Variants in CCER2 observed in about 807,000 individuals in gnomAD.
CCER2 encodes the protein coiled-coil domain-containing glutamate-rich protein 2.
CCER2 carries 20 observed loss-of-function variants against 27.1 expected under a neutral mutation model. The ratio of observed to expected loss-of-function variants is 0.74; its 90% CI spans 0.52 to 1.07. The LOEUF (loss-of-function observed/expected upper bound fraction) is 1.07, where lower values mean the gene tolerates loss of function less well. Ranked by LOEUF, CCER2 falls within the 50% of genes least tolerant of loss-of-function variation. The probability of loss-of-function intolerance (pLI) is 0.00; values close to 1 mark genes in which losing one functional copy is unlikely to be tolerated. For missense variants in CCER2, 351 were observed against 344.7 expected, an observed-to-expected ratio of 1.02 and a Z score of -0.14; for synonymous variants, 140 against 144.3, an observed-to-expected ratio of 0.97 and a Z score of 0.21.
rs1180872429 is a variant in CCER2 at position 38,909,230 on chromosome 19, T to G, written c.*6A>C. On this transcript the variant is annotated 3_prime_UTR_variant, in exon 5 of 5. Coordinates refer to ENST00000571838, the MANE Select transcript of CCER2 (RefSeq NM_001243212.2). Reference sequence around the variant, plus strand: ...TGTCAGGAGGAAGGAGGGACTGAGGTAGGGGTCAGCCCTCCCTCCTGAGCT... The same window carrying G: ...TGTCAGGAGGAAGGAGGGACTGAGGGAGGGGTCAGCCCTCCCTCCTGAGCT... The G allele has an allele frequency of 1.3e-6, 2 of 1,534,186 alleles. No homozygotes were observed. Among genetic ancestry groups the G allele is most frequent in the Admixed American group, 2.0e-5 (1 of 50,980 alleles).
chr19:38,911,637 G>A lies in CCER2; in HGVS notation c.119C>T (p.Ala40Val), dbSNP rs563388609. 9 of 1,535,554 alleles carry A rather than the reference G, an allele frequency of 5.9e-6. No homozygotes were observed. In the Admixed American group the frequency reaches 1.6e-4, roughly 27 times the overall value. Residue 40 changes from alanine (A) to valine (V), a missense_variant, in exon 3 of 5, where the codon GCA becomes GTA. Transcript: ENST00000571838. The stretch of plus-strand genomic sequence containing the variant: ...GGTCAGCACCTCTGTGACCACCTCT[G>A]CCAGACAGCGGGTCAGCTGGGGGGC... ...PSKEELTRCL[A>V]EVVTEVLTVG...
Position 38,911,005 on chromosome 19 carries a change from TC to T in CCER2, c.268del (p.Glu90ArgfsTer5). On this transcript the variant is annotated frameshift_variant, in exon 4 of 5. Transcript: ENST00000571838. LOFTEE classifies it high-confidence loss of function. ...CTGGCTGGACCTCATCTTCCCAGCC[TC>T]CTGCTTCTTGAAATCCCCAAGCAGC... Reference protein sequence around the residue: ...GLLLGDFKKQEAGKMRSSQEV... With the variant: ...GLLLGDFKKQXAGKMRSSQEV... The T allele has an allele frequency of 6.7e-7, 1 of 1,493,464 alleles. No individual in the cohort carries two copies. The highest frequency in any genetic ancestry group is 8.9e-7 in the Non-Finnish European group (1 of 1,128,476). The allele number at this position is 1,493,464 out of a possible 1,614,324, so 92.5% of individuals were successfully genotyped here.
intron 4 of CCER2, among the ~76,000 whole-genome samples, chr19:38,909,740 T>G (rs762375338): frequency 1.3e-5 from 2 of 151,904 alleles, no homozygotes; most frequent in South Asian, 4.1e-4. Flanking sequence ...GCCTGGCTGA[T>G]TTTTTGTATT....
At chr19:38,911,426 A>G (rs1462855185) in intron 3 of CCER2, 140 bp downstream of exon 3, 2 of 743,766 alleles carry the variant, frequency 2.7e-6, no homozygotes, top group Non-Finnish European at 4.4e-6. Context: ...GGTCCAGGCA[A>G]CAGGGCTCTG....
Position 38,910,888 on chromosome 19 carries a change from T to C in CCER2, c.386A>G (p.Gln129Arg). ...EQAIRMQGHR[Q>R]LHQEEDEEEE... Reference sequence around the variant, plus strand: ...CTCCTCGTCCTCCTCCTGGTGGAGCTGGCGATGCCCTTGCATGCGGATGGC... The same window carrying C: ...CTCCTCGTCCTCCTCCTGGTGGAGCCGGCGATGCCCTTGCATGCGGATGGC... The change falls in exon 4 of 5, where the codon CAG becomes CGG. Residue 129 changes from glutamine (Q) to arginine (R), a missense_variant. Coordinates refer to ENST00000571838, the MANE Select transcript of CCER2 (RefSeq NM_001243212.2). The C allele has an allele frequency of 1.3e-6, 2 of 1,516,396 alleles. No individual in the cohort carries two copies. The highest frequency in any genetic ancestry group is 1.3e-5 in the South Asian group (1 of 79,962). The allele number at this position is 1,516,396 out of a possible 1,614,324, so 93.9% of individuals were successfully genotyped here.
In CCER2 at chr19:38,912,170, A is replaced by C. The variant is rs1275586005; in HGVS notation, c.-12T>G. On this transcript the variant is annotated 5_prime_UTR_variant, in exon 1 of 5. Transcript: ENST00000571838. ...CCTCGGGGCGGCATGGTGGGCGTCC[A>C]ACGGGTCCAAGGCGCTGTGCGGGCC... 2 of 1,481,728 alleles carry C rather than the reference A, an allele frequency of 1.3e-6. No homozygotes were observed. The highest frequency in any genetic ancestry group is 4.8e-5 in the Admixed American group (2 of 41,534). The allele number at this position is 1,481,728 out of a possible 1,614,324, so 91.8% of individuals were successfully genotyped here.
Position 38,909,121 on chromosome 19 carries a change from C to T in CCER2, c.*115G>A. On this transcript the variant is annotated 3_prime_UTR_variant, in exon 5 of 5. Transcript: ENST00000571838. Reference sequence around the variant, plus strand: ...TGGGTGTGGTTCCAAGGCACGTCCGCCTCCTCCCCTGTTTGGGTAGGGGTG... The same window carrying T: ...TGGGTGTGGTTCCAAGGCACGTCCGTCTCCTCCCCTGTTTGGGTAGGGGTG... 8.4e-7 allele frequency: 1 copy of T among 1,189,422 alleles called. No homozygotes were observed. The highest frequency in any genetic ancestry group is 1.4e-5 in the South Asian group (1 of 70,456). The allele number at this position is 1,189,422 out of a possible 1,614,324, so 73.7% of individuals were successfully genotyped here. A position where few individuals can be genotyped will look rare whatever the true frequency, so the allele number is the denominator to read the frequency against.
At position 38,911,137 on chromosome 19, in the gene CCER2, G is replaced by A. The variant is rs1300491020; in HGVS notation, c.191-54C>T. The A allele has an allele frequency of 5.8e-6, 8 of 1,388,932 alleles. No homozygotes were observed. The East Asian group carries it at 7.7e-5, about 13-fold the overall frequency. 86.0% of individuals were successfully genotyped at this position (1,388,932 alleles called of 1,614,324 possible). On this transcript the variant is annotated intron_variant, in intron 3 of 4. Transcript: ENST00000571838. ...AGCATCCAATTGGGAAACTGAGGCC[G>A]AGTATGGAGGCTCACGCCTGTAATC...
intron 4 of CCER2, 118 bp from the exon 5 acceptor site, chr19:38,909,443 C>G (rs781101901): frequency 4.4e-6 from 4 of 912,504 alleles, no homozygotes; most frequent in African/African-American, 3.3e-5. Flanking sequence ...TCGTTCTGAT[C>G]GTCGTGGACC....
chr19:38,909,635 C>T (rs576366222), intron 4 of CCER2, among the ~76,000 whole-genome samples: 5 of 152,094 alleles, frequency 3.3e-5, no homozygotes, highest in East Asian at 3.9e-4. Context: ...TACAGTGGCA[C>T]GATCTCGGCT....
rs1974314686 is a variant in CCER2, at chr19:38,911,865, G to A, written c.62-13C>T. The A allele has an allele frequency of 2.0e-6, 3 of 1,534,696 alleles. No homozygotes were observed. The African/African-American group carries it at 4.1e-5, about 21-fold the overall frequency. On this transcript the variant is annotated splice_polypyrimidine_tract_variant and intron_variant, in intron 1 of 4. Coordinates refer to ENST00000571838, the MANE Select transcript of CCER2 (RefSeq NM_001243212.2). ...GGAGCAGCGGTGGCTGTGGAGAAAG[G>A]AGATGGCACTGGGCTTTGCCGCCCT...
chr19:38,910,846 CTCTCCTCCT>C lies in CCER2; in HGVS notation c.419_427del (p.Lys140_Glu142del). 6.5e-7 allele frequency: 1 copy of C among 1,527,492 alleles called. No individual in the cohort carries two copies. The highest frequency in any genetic ancestry group is 8.8e-7 in the Non-Finnish European group (1 of 1,142,296). 94.6% of individuals were successfully genotyped at this position (1,527,492 alleles called of 1,614,324 possible). ...AAAGGTCTCCATGGGCCCCCTCTTC[CTCTCCTCCT>C]TCTCCTCCTCCTCGTCCTCCTCCTG... On this transcript the variant is annotated inframe_deletion, in exon 4 of 5. Coordinates refer to ENST00000571838, the MANE Select transcript of CCER2 (RefSeq NM_001243212.2).
Position 38,909,112 on chromosome 19 carries a change from G to T in CCER2, c.*124C>A. The T allele has an allele frequency of 1.8e-6, 2 of 1,136,366 alleles. No individual in the cohort carries two copies. Among genetic ancestry groups the T allele is most frequent in the Non-Finnish European group, 2.5e-6 (2 of 804,636 alleles). 70.4% of individuals were successfully genotyped at this position (1,136,366 alleles called of 1,614,324 possible). On this transcript the variant is annotated 3_prime_UTR_variant, in exon 5 of 5. Coordinates refer to ENST00000571838, the MANE Select transcript of CCER2 (RefSeq NM_001243212.2). ...TCACCTCCTTGGGTGTGGTTCCAAGGCACGTCCGCCTCCTCCCCTGTTTGG... is the reference window on the plus strand; with the variant it reads ...TCACCTCCTTGGGTGTGGTTCCAAGTCACGTCCGCCTCCTCCCCTGTTTGG...
At chr19:38,912,051 C>G in intron 1 of CCER2, 47 bp downstream of exon 1, 1 of 1,517,670 alleles carries the variant, frequency 6.6e-7, no homozygotes, top group Non-Finnish European at 8.8e-7. Context: ...GGAGTCCCCG[C>G]TCCCCGGCCC....
In CCER2 at chr19:38,909,934, A is replaced by G. The variant is rs974374589; in HGVS notation, c.712-609T>C. Among the ~76,000 whole-genome samples, 4 of 149,372 alleles carry G rather than the reference A, an allele frequency of 2.7e-5. No individual in the cohort carries two copies. The East Asian group carries it at 7.9e-4, about 29-fold the overall frequency. ...GTGGCCCAGGCGGGACTGCTGTGGC[A>G]CAATCATGACTCAATGCAGCCTCAA... On this transcript the variant is annotated intron_variant, in intron 4 of 4. Transcript: ENST00000571838.
intron 3 of CCER2, 106 bp from the exon 4 acceptor site, chr19:38,911,189 C>G (rs1015656123): frequency 3.4e-6 from 4 of 1,180,324 alleles, no homozygotes; most frequent in Non-Finnish European, 3.4e-6. Flanking sequence ...CCGTGGCGGC[C>G]GATCACCTGA....
intron 4 of CCER2, 80 bp from the exon 5 acceptor site, chr19:38,909,405 C>T (rs549307042): frequency 1.1e-4 from 145 of 1,305,372 alleles, no homozygotes; most frequent in Admixed American, 4.5e-4. Context: ...TGGGCCATGT[C>T]GGTTCTCATA....
Position 38,909,237 on chromosome 19 carries a change from C to G in CCER2, c.800G>C (p.Ter267SerextTer80). The G allele has an allele frequency of 9.1e-6, 14 of 1,535,080 alleles. No homozygotes were observed. The highest frequency in any genetic ancestry group is 1.2e-5 in the Non-Finnish European group (14 of 1,146,382). The change falls in exon 5 of 5, where the codon TGA becomes TCA. Residue 267 changes from the stop codon to serine, a stop_lost. Coordinates refer to ENST00000571838, the MANE Select transcript of CCER2 (RefSeq NM_001243212.2). ...TLGEQLRREG[*>S] ...AGGAAGGAGGGACTGAGGTAGGGGT[C>G]AGCCCTCCCTCCTGAGCTGCTCCCC...
Position 38,909,194 on chromosome 19 carries a change from G to A in CCER2, c.*42C>T. The A allele has an allele frequency of 6.6e-7, 1 of 1,526,454 alleles. No individual in the cohort carries two copies. The highest frequency in any genetic ancestry group is 8.8e-7 in the Non-Finnish European group (1 of 1,138,526). 94.6% of individuals were successfully genotyped at this position (1,526,454 alleles called of 1,614,324 possible). On this transcript the variant is annotated 3_prime_UTR_variant, in exon 5 of 5. Coordinates refer to ENST00000571838, the MANE Select transcript of CCER2 (RefSeq NM_001243212.2). ...GAGGCTTCGGGGTCAACAGTCCTAA[G>A]CCACAGGGTGTGTCAGGAGGAAGGA...
Sources: allele counts gnomAD v4.1 joint callset (sites outside exome capture counted in the v4.1 genomes callset), GRCh38; gene constraint gnomAD v4.1.1; transcripts MANE v1.5; gene names NCBI Gene and HGNC (gene_info 2026-07-23, HGNC 2026-07-21).